NRXN1: variants seen among roughly 807,000 people sequenced by gnomAD.
The protein encoded by NRXN1 is neurexin-1.
In NRXN1, 39 loss-of-function variants were observed where a neutral mutation model predicts 150.9. That is an observed-to-expected ratio of 0.26 (90% CI 0.20 to 0.34). The LOEUF is 0.34. Among genes scored for constraint, NRXN1 ranks in the 10% least tolerant of loss-of-function variants. The probability of loss-of-function intolerance (pLI) is 1.00; values close to 1 mark genes in which losing one functional copy is unlikely to be tolerated. For synonymous variants in NRXN1, 924 were observed against 757.0 expected (o/e 1.22, Z -3.62); for missense variants, 1,815 against 1,949.9 (o/e 0.93, Z 1.30).
chr2:50,745,415 T>TCCCTC (rs1325909095), intron 5 of NRXN1, among the ~76,000 whole-genome samples: 171 of 128,342 alleles, frequency 1.3e-3, no homozygotes, highest in African/African-American at 4.7e-3. Context: ...CCCCTCCCCT[T>TCCCTC]CCCTCCCTTT....
chr2:49,930,245 G>T (rs1036090442), intron 22 of NRXN1, among the ~76,000 whole-genome samples: 7 of 152,082 alleles, frequency 4.6e-5, no homozygotes, highest in African/African-American at 1.7e-4. Context: ...ATAATAAAAA[G>T]ATGAGCGTAT....
rs57580154 is a variant in NRXN1, at chr2:50,026,859, C to CTTTTTTTTTTTTTTTTTTTTT, written c.4128+26391_4128+26411dup. Among the ~76,000 whole-genome samples, 12 of 65,238 alleles carry CTTTTTTTTTTTTTTTTTTTTT rather than the reference C, an allele frequency of 1.8e-4. 3 individuals carry two copies. Among genetic ancestry groups the CTTTTTTTTTTTTTTTTTTTTT allele is most frequent in the Middle Eastern group, 0.012 (1 of 86 alleles). The allele number at this position is 65,238 out of a possible 152,430, so 42.8% of individuals were successfully genotyped here. On this transcript the variant is annotated intron_variant, in intron 21 of 22. Coordinates refer to ENST00000401669, the MANE Select transcript of NRXN1 (RefSeq NM_001330078.2). The stretch of plus-strand genomic sequence containing the variant: ...TTGCATTGTTTAAGTCTTTTCTTTT[C>CTTTTTTTTTTTTTTTTTTTTT]TTTTTTTTTTTTTTTTTTTTTTTTT...
intron 5 of NRXN1, among the ~76,000 whole-genome samples, chr2:50,647,323 T>C (rs953324564): frequency 2.5e-4 from 38 of 151,906 alleles, no homozygotes; most frequent in African/African-American, 8.7e-4. Context: ...ATCTTTAACA[T>C]TATTAAAACC....
intron 2 of NRXN1, among the ~76,000 whole-genome samples, chr2:50,941,838 A>T (rs975126361): frequency 6.6e-6 from 1 of 152,282 alleles, no homozygotes; most frequent in Admixed American, 6.5e-5. Flanking sequence ...CTGGGGAGAA[A>T]TTAAAGCTAG....
At chr2:50,884,302 T>C (rs1338047455) in intron 5 of NRXN1, among the ~76,000 whole-genome samples, 1 of 151,828 alleles carries the variant, frequency 6.6e-6, no homozygotes, top group Non-Finnish European at 1.5e-5. Flanking sequence ...GTATTAATTG[T>C]ATTCTACTTA....
At chr2:50,266,476 A>AAT (rs1273747782) in intron 17 of NRXN1, among the ~76,000 whole-genome samples, 3 of 147,638 alleles carry the variant, frequency 2.0e-5, no homozygotes, top group Admixed American at 6.8e-5. Flanking sequence ...ATAACTCTAT[A>AAT]ATATATATAA....
intron 2 of NRXN1, among the ~76,000 whole-genome samples, chr2:50,979,008 A>G (rs2104861477): frequency 6.6e-6 from 1 of 152,266 alleles, no homozygotes; most frequent in East Asian, 1.9e-4. Context: ...ATAGAATTAC[A>G]TAGGAAAAAT....
At chr2:50,487,443 G>A (rs2090954132) in intron 15 of NRXN1, among the ~76,000 whole-genome samples, 1 of 152,162 alleles carries the variant, frequency 6.6e-6, no homozygotes, top group Non-Finnish European at 1.5e-5. Flanking sequence ...TTGACCTAAT[G>A]TGGTTCCTAA....
intron 5 of NRXN1, among the ~76,000 whole-genome samples, chr2:50,730,371 G>A (rs1460023076): frequency 1.3e-5 from 2 of 152,090 alleles, no homozygotes; most frequent in Non-Finnish European, 2.9e-5. Flanking sequence ...CATGTCTCCA[G>A]AAACTATTTA....
intron 17 of NRXN1, among the ~76,000 whole-genome samples, chr2:50,428,808 TC>T (rs1326081884): frequency 6.6e-6 from 1 of 152,078 alleles, no homozygotes; most frequent in African/African-American, 2.4e-5. Flanking sequence ...TGCACAAAAA[TC>T]CAATGAGAAA....
At chr2:50,398,114 T>C (rs150998755) in intron 17 of NRXN1, among the ~76,000 whole-genome samples, 45 of 152,274 alleles carry the variant, frequency 3.0e-4, no homozygotes, top group African/African-American at 9.9e-4. Flanking sequence ...GGATCATAGA[T>C]TCTTTGGCTG....
At chr2:50,318,532 C>A (rs969132163) in intron 17 of NRXN1, among the ~76,000 whole-genome samples, 4 of 151,984 alleles carry the variant, frequency 2.6e-5, no homozygotes, top group African/African-American at 9.7e-5. Context: ...CAAAACCACC[C>A]AAATATCCAT....
At chr2:50,506,839 C>A (rs2092250033) in intron 12 of NRXN1, 3 of 521,840 alleles carry the variant, frequency 5.7e-6, no homozygotes, top group African/African-American at 3.8e-5. Flanking sequence ...AGGAAAATGA[C>A]AACTTTTACA....
intron 17 of NRXN1, among the ~76,000 whole-genome samples, chr2:50,418,354 T>C (rs1187673964): frequency 1.3e-5 from 2 of 152,046 alleles, no homozygotes; most frequent in African/African-American, 2.4e-5. Context: ...CCTCAACACA[T>C]GGTGTACCCT....
intron 8 of NRXN1, among the ~76,000 whole-genome samples, chr2:50,562,749 C>G (rs1262636863): frequency 6.6e-6 from 1 of 152,002 alleles, no homozygotes; most frequent in Non-Finnish European, 1.5e-5. Flanking sequence ...AATTATTTTT[C>G]CGACTTGTAA....
intron 8 of NRXN1, among the ~76,000 whole-genome samples, chr2:50,583,791 A>G (rs1446500909): frequency 6.6e-6 from 1 of 152,194 alleles, no homozygotes; most frequent in Non-Finnish European, 1.5e-5. Context: ...TCTTCCAACT[A>G]TCAATAATTA....
chr2:50,212,295 T>A (rs1321436546), intron 18 of NRXN1, among the ~76,000 whole-genome samples: 1 of 136,886 alleles, frequency 7.3e-6, no homozygotes, highest in Non-Finnish European at 1.6e-5. Context: ...ATGCTTTGAA[T>A]TTGCAAAAAA....
At chr2:50,186,529 C>T (rs1261567472) in intron 18 of NRXN1, among the ~76,000 whole-genome samples, 2 of 152,060 alleles carry the variant, frequency 1.3e-5, no homozygotes, top group African/African-American at 4.8e-5. Flanking sequence ...TCAGCCCTGG[C>T]AGATGAGTAG....
At chr2:50,165,275 C>G (rs1429346448) in intron 18 of NRXN1, among the ~76,000 whole-genome samples, 1 of 152,186 alleles carries the variant, frequency 6.6e-6, no homozygotes, top group Non-Finnish European at 1.5e-5. Context: ...ATAGAAAGTA[C>G]GGTAGCAGGA....
Sources: gnomAD v4.1 joint callset for allele counts (sites outside exome capture counted in the v4.1 genomes callset) on GRCh38, gnomAD v4.1.1 for gene constraint, MANE v1.5 for transcripts, NCBI Gene and HGNC (gene_info 2026-07-23, HGNC 2026-07-21) for gene names.